The following HNRNPC variants were observed in gnomAD, a reference collection of about 807,000 sequenced individuals.
HNRNPC encodes heterogeneous nuclear ribonucleoprotein C, also known as heterogeneous nuclear ribonucleoproteins C1/C2.
In HNRNPC, 3 loss-of-function variants were observed where a neutral mutation model predicts 33.2. The ratio of observed to expected loss-of-function variants is 0.09; its 90% CI spans 0.04 to 0.23. The LOEUF (loss-of-function observed/expected upper bound fraction) is 0.23, where lower values mean the gene tolerates loss of function less well. Ranked by LOEUF, HNRNPC falls within the 10% of genes least tolerant of loss-of-function variation. The probability of loss-of-function intolerance (pLI) is 1.00; values close to 1 mark genes in which losing one functional copy is unlikely to be tolerated. For synonymous variants in HNRNPC, 121 were observed against 126.7 expected, an observed-to-expected ratio of 0.96 and a Z score of 0.30; for missense variants, 143 against 366.7, an observed-to-expected ratio of 0.39 and a Z score of 4.98.
intron 2 of HNRNPC, among the ~76,000 whole-genome samples, chr14:21,248,289 C>T (rs1896222272): frequency 6.6e-6 from 1 of 152,152 alleles, no homozygotes; most frequent in African/African-American, 2.4e-5. Context: ...CAAGTATCTC[C>T]CCATCTCAGC....
intron 5 of HNRNPC, among the ~76,000 whole-genome samples, chr14:21,221,369 T>C (rs554209859): frequency 5.9e-5 from 9 of 152,340 alleles, no homozygotes; most frequent in African/African-American, 2.2e-4. Context: ...ACCTGCACTA[T>C]CCAATTCTAT....
At chr14:21,212,611 C>T (rs905367290) in intron 6 of HNRNPC, among the ~76,000 whole-genome samples, 1 of 151,436 alleles carries the variant, frequency 6.6e-6, no homozygotes, top group Non-Finnish European at 1.5e-5. Flanking sequence ...GGCATGATCT[C>T]GGCTCACTGC....
intron 7 of HNRNPC, 121 bp downstream of exon 7, chr14:21,211,689 A>C: frequency 2.1e-6 from 3 of 1,405,454 alleles, no homozygotes; most frequent in Non-Finnish European, 3.0e-6. Context: ...ACCCTTCCCA[A>C]TTCACACTCC....
intron 5 of HNRNPC, among the ~76,000 whole-genome samples, chr14:21,225,161 C>A (rs763706506): frequency 2.6e-5 from 4 of 151,972 alleles, no homozygotes; most frequent in Non-Finnish European, 4.4e-5. Context: ...TGGCTCACAT[C>A]TGTAATCCCA....
intron 5 of HNRNPC, among the ~76,000 whole-genome samples, chr14:21,218,667 G>A (rs1892475440): frequency 1.1e-5 from 1 of 92,010 alleles, no homozygotes; most frequent in Non-Finnish European, 1.9e-5. Flanking sequence ...GGGAGACAAA[G>A]CGAAACTCTC....
chr14:21,219,259 A>T (rs1251423393), intron 5 of HNRNPC, among the ~76,000 whole-genome samples: 2 of 152,192 alleles, frequency 1.3e-5, no homozygotes, highest in Admixed American at 1.3e-4. Context: ...CAACAGAGTG[A>T]AGGTGCATTT....
At chr14:21,228,872 TTCA>T (rs2139613637) in intron 5 of HNRNPC, among the ~76,000 whole-genome samples, 1 of 146,184 alleles carries the variant, frequency 6.8e-6, no homozygotes, top group African/African-American at 2.5e-5. Flanking sequence ...ATCACCTCAG[TTCA>T]GGAGTTCGAG....
At chr14:21,265,804 A>G (rs1878878846) in intron 1 of HNRNPC, among the ~76,000 whole-genome samples, 1 of 152,246 alleles carries the variant, frequency 6.6e-6, no homozygotes. Context: ...CCTAAAGCTC[A>G]GAGATAGTTT....
chr14:21,211,965 G>A (rs752024167), intron 6 of HNRNPC, 42 bp from the exon 7 acceptor site: 230 of 1,468,930 alleles, frequency 1.6e-4, no homozygotes, highest in Non-Finnish European at 2.0e-4. Context: ...CAAATGTACC[G>A]AAGATATGAG....
chr14:21,230,307 A>AT lies in HNRNPC; in HGVS notation c.365+11dup. 6.3e-7 allele frequency: 1 copy of AT among 1,589,934 alleles called. No homozygotes were observed. Among genetic ancestry groups the AT allele is most frequent in the Non-Finnish European group, 8.6e-7 (1 of 1,159,314 alleles). ...TAGCTGTTTAGCAGAAATACAAAAC[A>AT]TTTTAACATACCTATCATAATAGTC... On this transcript the variant is annotated intron_variant, in intron 5 of 8. Coordinates refer to ENST00000553300, the MANE Select transcript of HNRNPC (RefSeq NM_004500.4).
chr14:21,261,027 C>G (rs1878154716), intron 2 of HNRNPC, among the ~76,000 whole-genome samples: 1 of 150,584 alleles, frequency 6.6e-6, no homozygotes, highest in Non-Finnish European at 1.5e-5. Flanking sequence ...AGTGGATAAT[C>G]ACATCACACA....
intron 5 of HNRNPC, among the ~76,000 whole-genome samples, chr14:21,219,608 T>C (rs1474066712): frequency 3.9e-5 from 6 of 152,254 alleles, no homozygotes; most frequent in Admixed American, 6.5e-5. Flanking sequence ...AGATACTTCA[T>C]GCTTCTCCAT....
At chr14:21,248,748 T>C (rs983243914) in intron 2 of HNRNPC, among the ~76,000 whole-genome samples, 1 of 152,200 alleles carries the variant, frequency 6.6e-6, no homozygotes, top group Non-Finnish European at 1.5e-5. Context: ...CTGCAAGCAA[T>C]GGTCAAAATA....
intron 2 of HNRNPC, among the ~76,000 whole-genome samples, chr14:21,246,078 C>A (rs1007192796): frequency 2.6e-5 from 4 of 152,118 alleles, no homozygotes; most frequent in African/African-American, 9.7e-5. Flanking sequence ...CTTGCCTCGG[C>A]CTCCCAAATT....
chr14:21,220,379 C>T (rs1429593176), intron 5 of HNRNPC, among the ~76,000 whole-genome samples: 1 of 152,054 alleles, frequency 6.6e-6, no homozygotes, highest in East Asian at 1.9e-4. Context: ...AGGCGCCCAC[C>T]ACCACGCCCA....
chr14:21,257,400 G>T lies in HNRNPC; in HGVS notation c.-37+5911C>A, dbSNP rs1261139167. 2.6e-5 allele frequency among the ~76,000 whole-genome samples: 4 copies of T among 151,934 alleles called. 1 individual carries two copies. The South Asian group carries it at 8.3e-4, about 32-fold the overall frequency. ...AGCAAAGTAAAAAAAAAATAAAAAC[G>T]TTTCAAGGAAGAGATCTGGTTAAAT... On this transcript the variant is annotated intron_variant, in intron 2 of 8. Coordinates refer to ENST00000553300, the MANE Select transcript of HNRNPC (RefSeq NM_004500.4).
rs557994808 is a variant in HNRNPC at position 21,210,546 on chromosome 14, T to C, written c.*677A>G. 1 of 148,610 alleles carries C rather than the reference T, an allele frequency of 6.7e-6. No homozygotes were observed. Among genetic ancestry groups the C allele is most frequent in the Non-Finnish European group, 1.5e-5 (1 of 66,738 alleles). 9.2% of individuals were successfully genotyped at this position (148,610 alleles called of 1,614,324 possible). ...AAAATACAAAAATAAAAAACCAGGG[T>C]TTTTTTTTTCTCCAAATTCCTGGTT... On this transcript the variant is annotated 3_prime_UTR_variant, in exon 9 of 9. Coordinates refer to ENST00000553300, the MANE Select transcript of HNRNPC (RefSeq NM_004500.4).
At chr14:21,215,041 T>G (rs1892011345) in intron 5 of HNRNPC, among the ~76,000 whole-genome samples, 1 of 152,230 alleles carries the variant, frequency 6.6e-6, no homozygotes, top group Non-Finnish European at 1.5e-5. Context: ...AACCTACTAT[T>G]TCGTCTGACC....
chr14:21,250,431 GA>G (rs969831210), intron 2 of HNRNPC, among the ~76,000 whole-genome samples: 7 of 151,994 alleles, frequency 4.6e-5, no homozygotes, highest in Non-Finnish European at 7.4e-5. Flanking sequence ...AACACTCAAG[GA>G]AAAAAATTAT....
Sources: gnomAD v4.1 joint callset for allele counts (sites outside exome capture counted in the v4.1 genomes callset) on GRCh38, gnomAD v4.1.1 for gene constraint, MANE v1.5 for transcripts, NCBI Gene and HGNC (gene_info 2026-07-23, HGNC 2026-07-21) for gene names.